The following CNTN6 variants were observed in gnomAD, a reference collection of about 807,000 sequenced individuals.
The protein encoded by CNTN6 is contactin-6.
Under a neutral mutation model 122.8 loss-of-function variants are expected in CNTN6, and 137 were observed. The observed-to-expected ratio is 1.12, with a 90% CI of 0.97 to 1.29. CNTN6 has a LOEUF of 1.29. Ranked by LOEUF, CNTN6 falls within the 50% of genes most tolerant of loss-of-function variation. The probability of loss-of-function intolerance (pLI) is 0.00; values close to 1 mark genes in which losing one functional copy is unlikely to be tolerated. For synonymous variants in CNTN6, 570 were observed against 426.0 expected (o/e 1.34, Z -4.16); for missense variants, 1,634 against 1,223.4 (o/e 1.34, Z -5.01).
At chr3:1,243,694 C>G (rs1378373815) in intron 4 of CNTN6, among the ~76,000 whole-genome samples, 1 of 152,170 alleles carries the variant, frequency 6.6e-6, no homozygotes, top group Non-Finnish European at 1.5e-5. Context: ...ATGCCTTTGG[C>G]TCCAGCCACC....
rs866067886 is a variant in CNTN6 at position 1,380,812 on chromosome 3, C to G, written c.2167-2130C>G. On this transcript the variant is annotated intron_variant, in intron 17 of 22. Coordinates refer to ENST00000446702, the MANE Select transcript of CNTN6 (RefSeq NM_001289080.2). Reference sequence around the variant, plus strand: ...TAGTTTTGCTGATTCTTAGTCTGTACTAAAGATTTGGTTCTTACAGACACT... The same window carrying G: ...TAGTTTTGCTGATTCTTAGTCTGTAGTAAAGATTTGGTTCTTACAGACACT... Among the ~76,000 whole-genome samples the G allele has an allele frequency of 3.9e-5, 6 of 152,150 alleles. No individual in the cohort carries two copies. In the South Asian group the frequency reaches 6.2e-4, roughly 16 times the overall value.
chr3:1,110,254 T>G (rs1172511977), intron 1 of CNTN6, among the ~76,000 whole-genome samples: 2 of 151,932 alleles, frequency 1.3e-5, no homozygotes, highest in Non-Finnish European at 2.9e-5. Context: ...TAGTCAATCT[T>G]ATTAAAAGAT....
intron 5 of CNTN6, among the ~76,000 whole-genome samples, chr3:1,288,706 A>G (rs1694776002): frequency 6.6e-6 from 1 of 152,206 alleles, no homozygotes; most frequent in African/African-American, 2.4e-5. Flanking sequence ...CTTTCACATG[A>G]GATATTTTTC....
intron 14 of CNTN6, 143 bp downstream of exon 14, chr3:1,373,098 A>G: frequency 1.8e-6 from 1 of 568,530 alleles, no homozygotes; most frequent in South Asian, 2.5e-5. Context: ...AAACCCCAGG[A>G]CTCCATGGTA....
chr3:1,285,850 T>A (rs1364329123), intron 5 of CNTN6, among the ~76,000 whole-genome samples: 1 of 152,222 alleles, frequency 6.6e-6, no homozygotes, highest in Non-Finnish European at 1.5e-5. Flanking sequence ...AAGAGTTCTT[T>A]ACTCTACTGG....
At chr3:1,235,075 GTCTTATCAGAAA>G (rs1270877492) in intron 4 of CNTN6, among the ~76,000 whole-genome samples, 1 of 152,164 alleles carries the variant, frequency 6.6e-6, no homozygotes, top group Non-Finnish European at 1.5e-5. Context: ...CTATTTATGT[GTCTTATCAGAAA>G]TGGTACTTTT....
At chr3:1,154,721 G>A (rs1355539446) in intron 2 of CNTN6, among the ~76,000 whole-genome samples, 1 of 152,114 alleles carries the variant, frequency 6.6e-6, no homozygotes, top group Admixed American at 6.6e-5. Context: ...GGGATTACAG[G>A]CGTGAGCCAC....
chr3:1,280,528 G>A (rs1020138931), intron 5 of CNTN6, among the ~76,000 whole-genome samples: 5 of 132,254 alleles, frequency 3.8e-5, no homozygotes, highest in East Asian at 4.5e-4. Context: ...GCAGTGGCTC[G>A]ATCTTGGCTC....
At chr3:1,241,986 G>A (rs147129510) in intron 4 of CNTN6, among the ~76,000 whole-genome samples, 6,286 of 143,104 alleles carry the variant, frequency 0.044, 163 homozygotes, top group Admixed American at 0.063. Context: ...TAAGAATTCC[G>A]ACCATGCTAA....
At chr3:1,096,088 G>C (rs566597012) in intron 1 of CNTN6, among the ~76,000 whole-genome samples, 2 of 152,146 alleles carry the variant, frequency 1.3e-5, no homozygotes, top group South Asian at 4.1e-4. Context: ...TATCTTTCTT[G>C]GATCAAGCTT....
chr3:1,383,102 T>G lies in CNTN6; in HGVS notation c.2327T>G (p.Val776Gly). 1.2e-6 allele frequency: 2 copies of G among 1,614,046 alleles called. No homozygotes were observed. The highest frequency in any genetic ancestry group is 1.7e-6 in the Non-Finnish European group (2 of 1,179,942). The change falls in exon 18 of 23, where the codon GTC (valine) becomes GGC (glycine). Residue 776 changes from valine to glycine, a missense_variant. Transcript: ENST00000446702. ...ESIIPLSPFE[V>G]KVGVYNNEGE... is the part of the protein sequence containing the mutation. ...ATCATCCCACTGTCTCCCTTTGAAG[T>G]CAAAGTGGGTGTGTATAATAATGAA...
chr3:1,150,934 C>T (rs1473699774), intron 2 of CNTN6, among the ~76,000 whole-genome samples: 1 of 152,086 alleles, frequency 6.6e-6, no homozygotes, highest in Non-Finnish European at 1.5e-5. Flanking sequence ...CACTGCTAGA[C>T]TTCAGGACTG....
intron 4 of CNTN6, among the ~76,000 whole-genome samples, chr3:1,241,601 A>G (rs1274399815): frequency 6.6e-6 from 1 of 152,190 alleles, no homozygotes; most frequent in Non-Finnish European, 1.5e-5. Flanking sequence ...AGGACATCCA[A>G]TTAGAGAGTG....
intron 12 of CNTN6, among the ~76,000 whole-genome samples, chr3:1,362,769 T>C (rs1210008148): frequency 1.3e-5 from 1 of 79,218 alleles, no homozygotes; most frequent in African/African-American, 5.2e-5. Context: ...TGCCAGATAC[T>C]TTTTAAAAAC....
chr3:1,159,596 A>AT (rs1294367005), intron 2 of CNTN6, among the ~76,000 whole-genome samples: 1 of 152,000 alleles, frequency 6.6e-6, no homozygotes, highest in Non-Finnish European at 1.5e-5. Flanking sequence ...TTTGGCAAAT[A>AT]TACTGTCATT....
At chr3:1,335,552 G>A (rs1189106620) in intron 11 of CNTN6, among the ~76,000 whole-genome samples, 2 of 152,066 alleles carry the variant, frequency 1.3e-5, no homozygotes, top group African/African-American at 4.8e-5. Flanking sequence ...ATCACCTCCT[G>A]AATTTAATAG....
intron 19 of CNTN6, 59 bp downstream of exon 19, chr3:1,383,467 C>G: frequency 8.1e-7 from 1 of 1,235,288 alleles, no homozygotes; most frequent in Admixed American, 1.7e-5. Flanking sequence ...CGCAATAGCT[C>G]CTATTCAACA....
chr3:1,353,545 T>C (rs1005051461), intron 12 of CNTN6, among the ~76,000 whole-genome samples: 6 of 151,676 alleles, frequency 4.0e-5, no homozygotes, highest in African/African-American at 1.4e-4. Context: ...CTTAAGATTG[T>C]ATTGTCATCA....
At chr3:1,174,215 A>AT (rs2093409726) in intron 2 of CNTN6, among the ~76,000 whole-genome samples, 2 of 152,022 alleles carry the variant, frequency 1.3e-5, no homozygotes, top group Admixed American at 6.6e-5. Context: ...CAGAGGCTTT[A>AT]TTTTTTCCCC....
Sources: allele counts gnomAD v4.1 joint callset (sites outside exome capture counted in the v4.1 genomes callset), GRCh38; gene constraint gnomAD v4.1.1; transcripts MANE v1.5; gene names NCBI Gene and HGNC (gene_info 2026-07-23, HGNC 2026-07-21).